The following RGS21 variants were observed in gnomAD, a reference collection of about 807,000 sequenced individuals.
RGS21 encodes the protein regulator of G protein signaling 21.
In RGS21, 19 loss-of-function variants were observed where a neutral mutation model predicts 18.7. That is an observed-to-expected ratio of 1.01 (90% CI 0.71 to 1.49). The LOEUF (loss-of-function observed/expected upper bound fraction) is 1.49. Ranked by LOEUF, RGS21 falls within the 40% of genes most tolerant of loss-of-function variation. The pLI, the probability that RGS21 is intolerant of heterozygous loss-of-function variation, is 0.00. For synonymous variants in RGS21, 56 were observed against 57.8 expected (o/e 0.97, Z 0.14); for missense variants, 194 against 176.8 (o/e 1.10, Z -0.55).
chr1:192,351,776 AATAT>A (rs1011206098), intron 3 of RGS21, among the ~76,000 whole-genome samples: 33 of 147,810 alleles, frequency 2.2e-4, no homozygotes, highest in South Asian at 4.2e-4. Context: ...TAACATATAT[AATAT>A]ATATAACACA....
At chr1:192,330,942 C>T (rs1658637867) in intron 1 of RGS21, among the ~76,000 whole-genome samples, 1 of 152,058 alleles carries the variant, frequency 6.6e-6, no homozygotes, top group Non-Finnish European at 1.5e-5. Context: ...TGTATCTGTG[C>T]AATAGTTGGG....
intron 1 of RGS21, among the ~76,000 whole-genome samples, chr1:192,321,012 T>G (rs577644243): frequency 2.6e-5 from 4 of 152,142 alleles, no homozygotes; most frequent in Admixed American, 2.6e-4. Flanking sequence ...TGACTCTATA[T>G]TTTTAATTCA....
rs983313809 is a variant in RGS21 at position 192,341,527 on chromosome 1, A to G, written c.-60-1450A>G. ...GCTTATTTCCTCACCTGCTCATTGT[A>G]TTATGAGGCTTCATTTTGATAAATA... On this transcript the variant is annotated intron_variant, in intron 1 of 4. Transcript: ENST00000417209. 5.3e-5 allele frequency among the ~76,000 whole-genome samples: 8 copies of G among 152,232 alleles called. No homozygotes were observed. The East Asian group carries it at 9.7e-4, about 18-fold the overall frequency.
intron 4 of RGS21, among the ~76,000 whole-genome samples, chr1:192,359,235 G>T (rs1474891199): frequency 6.6e-6 from 1 of 152,004 alleles, no homozygotes. Flanking sequence ...AATACAAGTA[G>T]CTATTTATGT....
In RGS21 at chr1:192,335,072, G is replaced by A. The variant is rs569474044; in HGVS notation, c.-60-7905G>A. The stretch of plus-strand genomic sequence containing the variant: ...ACCTGTTCATTGTATTATTCTCACA[G>A]AGCTTAGCTTCCCTAAAAAAAATCA... On this transcript the variant is annotated intron_variant, in intron 1 of 4. Coordinates refer to ENST00000417209, the MANE Select transcript of RGS21 (RefSeq NM_001039152.3). Among the ~76,000 whole-genome samples, 4 of 152,176 alleles carry A rather than the reference G, an allele frequency of 2.6e-5. No individual in the cohort carries two copies. The East Asian group carries it at 7.7e-4, about 29-fold the overall frequency.
intron 1 of RGS21, among the ~76,000 whole-genome samples, chr1:192,323,597 AG>A: frequency 6.6e-6 from 1 of 152,196 alleles, no homozygotes; most frequent in South Asian, 2.1e-4. Context: ...TGGGAAAAAA[AG>A]TTATAGAAGG....
At chr1:192,354,074 C>T (rs114894939) in intron 4 of RGS21, among the ~76,000 whole-genome samples, 9 of 151,314 alleles carry the variant, frequency 5.9e-5, no homozygotes, top group Non-Finnish European at 1.0e-4. Context: ...TATATTACAC[C>T]GATTGCAATC....
At chr1:192,328,127 C>T (rs1000585990) in intron 1 of RGS21, among the ~76,000 whole-genome samples, 1 of 152,084 alleles carries the variant, frequency 6.6e-6, no homozygotes, top group African/African-American at 2.4e-5. Flanking sequence ...CATACAGGGC[C>T]GCGTGCATCT....
chr1:192,351,990 G>T, intron 3 of RGS21, 57 bp from the exon 4 acceptor site: 1 of 932,330 alleles, frequency 1.1e-6, no homozygotes, highest in Non-Finnish European at 1.6e-6. Flanking sequence ...TACTCATTTT[G>T]GTCATATTAC....
At chr1:192,362,490 G>A (rs1419086100) in intron 4 of RGS21, among the ~76,000 whole-genome samples, 2 of 152,164 alleles carry the variant, frequency 1.3e-5, no homozygotes, top group Non-Finnish European at 2.9e-5. Context: ...GAAAAAACAG[G>A]TGTCAGAGAC....
chr1:192,323,542 A>G (rs1571447527), intron 1 of RGS21, among the ~76,000 whole-genome samples: 2 of 152,136 alleles, frequency 1.3e-5, no homozygotes, highest in East Asian at 3.9e-4. Context: ...ATGAAAAATG[A>G]CTCCCAGGTT....
At chr1:192,347,687 ACTCT>A (rs1043816486) in intron 3 of RGS21, among the ~76,000 whole-genome samples, 4 of 151,538 alleles carry the variant, frequency 2.6e-5, no homozygotes, top group Non-Finnish European at 4.4e-5. Flanking sequence ...ACAGAGTCTC[ACTCT>A]CTCTCTCTAT....
chr1:192,346,899 A>G (rs1297694384), intron 2 of RGS21, among the ~76,000 whole-genome samples: 1 of 152,176 alleles, frequency 6.6e-6, no homozygotes, highest in Non-Finnish European at 1.5e-5. Context: ...TAATTATGAC[A>G]TAATCTTTAC....
intron 1 of RGS21, among the ~76,000 whole-genome samples, chr1:192,319,585 G>A (rs1383975293): frequency 6.6e-6 from 1 of 151,844 alleles, no homozygotes; most frequent in Admixed American, 6.6e-5. Flanking sequence ...ATGAGACACT[G>A]GTTAATTAAA....
chr1:192,346,123 A>G (rs12126995), intron 2 of RGS21, among the ~76,000 whole-genome samples: 27,595 of 152,028 alleles, frequency 0.18, 3,028 homozygotes, highest in South Asian at 0.3. Context: ...TAGATTGGAA[A>G]TGTGAGTAAT....
chr1:192,353,961 C>T (rs184453548), intron 4 of RGS21, among the ~76,000 whole-genome samples: 63 of 151,116 alleles, frequency 4.2e-4, no homozygotes, highest in African/African-American at 1.4e-3. Flanking sequence ...ATATGTATAC[C>T]CCATGTTTAT....
chr1:192,340,417 G>T (rs1308093206), intron 1 of RGS21, among the ~76,000 whole-genome samples: 1 of 152,076 alleles, frequency 6.6e-6, no homozygotes, highest in Non-Finnish European at 1.5e-5. Flanking sequence ...AAAGGTCAAG[G>T]TTATTGTCCA....
chr1:192,319,800 G>C (rs1412707992), intron 1 of RGS21, among the ~76,000 whole-genome samples: 1 of 152,026 alleles, frequency 6.6e-6, no homozygotes, highest in Non-Finnish European at 1.5e-5. Flanking sequence ...ATAACTGATG[G>C]TTCTCTTTCC....
intron 1 of RGS21, among the ~76,000 whole-genome samples, chr1:192,341,435 A>T (rs1433686858): frequency 6.6e-6 from 1 of 152,120 alleles, no homozygotes. Context: ...TCCCAACAGT[A>T]TCTATATGGC....
Sources: gnomAD v4.1 joint callset for allele counts (sites outside exome capture counted in the v4.1 genomes callset) on GRCh38, gnomAD v4.1.1 for gene constraint, MANE v1.5 for transcripts, NCBI Gene and HGNC (gene_info 2026-07-23, HGNC 2026-07-21) for gene names.